ANO2: variants seen among roughly 807,000 people sequenced by gnomAD.
ANO2 encodes anoctamin 2, also known as anoctamin-2.
A neutral mutation model predicts 124.2 loss-of-function variants in ANO2; 101 were observed. The ratio of observed to expected loss-of-function variants is 0.81; its 90% CI spans 0.69 to 0.96. The LOEUF is 0.96. Ranked by LOEUF, ANO2 falls within the 40% of genes least tolerant of loss-of-function variation. The pLI, the probability that ANO2 is intolerant of heterozygous loss-of-function variation, is 0.00. For synonymous variants in ANO2, 486 were observed against 482.5 expected, an observed-to-expected ratio of 1.01 and a Z score of -0.09; for missense variants, 1,293 against 1,274.5, an observed-to-expected ratio of 1.01 and a Z score of -0.22.
At chr12:5,917,424 G>A (rs1941444465) in intron 3 of ANO2, among the ~76,000 whole-genome samples, 2 of 152,030 alleles carry the variant, frequency 1.3e-5, no homozygotes, top group African/African-American at 4.8e-5. Flanking sequence ...CTGCATTTTT[G>A]TTTGCTAAAC....
At chr12:5,698,511 A>C (rs1949280646) in intron 14 of ANO2, among the ~76,000 whole-genome samples, 1 of 152,214 alleles carries the variant, frequency 6.6e-6, no homozygotes, top group Admixed American at 6.5e-5. Flanking sequence ...CAGACCAGAA[A>C]AGCTGAAAAT....
chr12:5,590,162 C>A (rs1411737948), intron 20 of ANO2, among the ~76,000 whole-genome samples: 1 of 152,220 alleles, frequency 6.6e-6, no homozygotes, highest in African/African-American at 2.4e-5. Flanking sequence ...CCCAGGACAG[C>A]TTTGAATGTG....
intron 4 of ANO2, among the ~76,000 whole-genome samples, chr12:5,833,146 T>C (rs573955645): frequency 1.3e-5 from 2 of 152,348 alleles, no homozygotes; most frequent in African/African-American, 4.8e-5. Context: ...CCGTTCTTTA[T>C]GTTTTTCTTA....
Position 5,696,631 on chromosome 12 carries a change from T to C in ANO2, c.1545+35889A>G, listed in dbSNP as rs537852083. On this transcript the variant is annotated intron_variant, in intron 14 of 24. Coordinates refer to ENST00000682330, the MANE Select transcript of ANO2 (RefSeq NM_001364791.2). ...CACTCCAAACTCATACTGTGTGGCT[T>C]GTACAATCTTGGCCCTTAAACCAGA... 9.2e-5 allele frequency among the ~76,000 whole-genome samples: 14 copies of C among 152,306 alleles called. No individual in the cohort carries two copies. In the South Asian group the frequency reaches 2.9e-3, roughly 32 times the overall value.
intron 16 of ANO2, among the ~76,000 whole-genome samples, chr12:5,617,806 C>T (rs1944904969): frequency 1.3e-5 from 2 of 152,216 alleles, no homozygotes; most frequent in South Asian, 4.1e-4. Flanking sequence ...TTACTACATG[C>T]CTTCAGCAGG....
At chr12:5,770,648 C>T (rs1484487701) in intron 10 of ANO2, among the ~76,000 whole-genome samples, 1 of 152,204 alleles carries the variant, frequency 6.6e-6, no homozygotes, top group East Asian at 1.9e-4. Flanking sequence ...CTGCAAAGAC[C>T]TCCCTGCTTC....
chr12:5,921,308 C>T lies in ANO2; in HGVS notation c.266G>A (p.Arg89His), dbSNP rs182999590. 6.7e-4 allele frequency: 1,076 copies of T among 1,613,916 alleles called. 7 individuals are homozygous for T. The African/African-American group carries it at 7.8e-3, about 12-fold the overall frequency. ...CCTCTGACTGTCATGGAAGTGCATG[C>T]GGCTAAGACGGGCCTCCAAGGACAC... ...EPVSLEARLSRMHFHDSQRKV... is the reference protein window; with the variant it reads ...EPVSLEARLSHMHFHDSQRKV... Residue 89 changes from arginine to histidine, a missense_variant, in exon 3 of 25, where the codon CGC becomes CAC. Transcript: ENST00000682330.
intron 4 of ANO2, among the ~76,000 whole-genome samples, chr12:5,848,910 A>G (rs918230346): frequency 1.3e-5 from 2 of 152,194 alleles, no homozygotes; most frequent in African/African-American, 2.4e-5. Flanking sequence ...CAACAGCAGT[A>G]ACAACGGCAA....
chr12:5,889,976 C>G (rs767417131), intron 3 of ANO2, among the ~76,000 whole-genome samples: 11 of 152,088 alleles, frequency 7.2e-5, no homozygotes, highest in Non-Finnish European at 1.6e-4. Flanking sequence ...CAAGCAAAAG[C>G]AGGTTCACAG....
chr12:5,735,474 T>C (rs1397795464), intron 13 of ANO2, among the ~76,000 whole-genome samples: 1 of 152,214 alleles, frequency 6.6e-6, no homozygotes, highest in Non-Finnish European at 1.5e-5. Context: ...GAGGCTATAC[T>C]GCCAGTCCTA....
chr12:5,701,408 T>C (rs1291631727), intron 14 of ANO2, among the ~76,000 whole-genome samples: 1 of 152,196 alleles, frequency 6.6e-6, no homozygotes, highest in Non-Finnish European at 1.5e-5. Flanking sequence ...TACCCCATTT[T>C]ATCCATTTCC....
At chr12:5,622,916 A>T (rs2136920484) in intron 16 of ANO2, among the ~76,000 whole-genome samples, 1 of 150,832 alleles carries the variant, frequency 6.6e-6, no homozygotes, top group South Asian at 2.1e-4. Flanking sequence ...GTGAGCTGAG[A>T]TCGTGCCACC....
In ANO2 at chr12:5,575,852, T is replaced by C; in HGVS notation, c.2603A>G (p.Gln868Arg). ...ACTTTACCTGCAGAACTGAACCTCC[T>C]GGTCAAACTGTGAGTTTTCTGGCTG... ...GTQPENSQFD[Q>R]EVQFCRFKDY... Residue 868 changes from glutamine to arginine, a missense_variant, in exon 23 of 25, where the codon CAG becomes CGG. Physicochemically the swap from Gln to Arg is conservative, Grantham distance 43 (BLOSUM62 1). Coordinates refer to ENST00000682330, the MANE Select transcript of ANO2 (RefSeq NM_001364791.2). 3 of 1,613,958 alleles carry C rather than the reference T, an allele frequency of 1.9e-6. No individual in the cohort carries two copies. The highest frequency in any genetic ancestry group is 1.3e-5 in the African/African-American group (1 of 75,046).
At chr12:5,871,913 A>G (rs907557330) in intron 3 of ANO2, among the ~76,000 whole-genome samples, 1 of 152,174 alleles carries the variant, frequency 6.6e-6, no homozygotes, top group South Asian at 2.1e-4. Flanking sequence ...AGCTTGTCCT[A>G]CTCAGAATCT....
chr12:5,581,636 T>G (rs1233817875), intron 20 of ANO2, among the ~76,000 whole-genome samples: 2 of 152,228 alleles, frequency 1.3e-5, no homozygotes, highest in African/African-American at 2.4e-5. Context: ...GCTGGCTTGA[T>G]GCTCTCTAAT....
intron 4 of ANO2, among the ~76,000 whole-genome samples, chr12:5,841,030 A>C (rs1370737875): frequency 1.3e-5 from 2 of 152,130 alleles, no homozygotes; most frequent in Admixed American, 1.3e-4. Context: ...AGAAGGGAGG[A>C]GCAAGAGAAG....
At chr12:5,870,909 G>A (rs1937651100) in intron 3 of ANO2, among the ~76,000 whole-genome samples, 1 of 152,236 alleles carries the variant, frequency 6.6e-6, no homozygotes, top group Admixed American at 6.5e-5. Context: ...CTACCATGGA[G>A]AAGATAGTTT....
intron 16 of ANO2, among the ~76,000 whole-genome samples, chr12:5,627,332 G>A (rs1431868103): frequency 2.0e-5 from 3 of 152,122 alleles, no homozygotes; most frequent in Non-Finnish European, 4.4e-5. Flanking sequence ...GCCCCAGAGA[G>A]CCAGGATCCT....
intron 10 of ANO2, 24 bp downstream of exon 10, chr12:5,799,483 C>T: frequency 6.2e-7 from 1 of 1,605,286 alleles, no homozygotes; most frequent in Non-Finnish European, 8.5e-7. Flanking sequence ...AGGATACTTC[C>T]AAAAGTTCCC....
Sources: allele counts gnomAD v4.1 joint callset (sites outside exome capture counted in the v4.1 genomes callset), GRCh38; gene constraint gnomAD v4.1.1; transcripts MANE v1.5; gene names NCBI Gene and HGNC (gene_info 2026-07-23, HGNC 2026-07-21).